The following GALNTL6 variants were observed in gnomAD, a reference collection of about 807,000 sequenced individuals.
GALNTL6 encodes the protein polypeptide N-acetylgalactosaminyltransferase-like 6.
A neutral mutation model predicts 73.7 loss-of-function variants in GALNTL6; 46 were observed. The observed-to-expected ratio is 0.62, with a 90% CI of 0.49 to 0.80. The LOEUF is 0.80. Among genes scored for constraint, GALNTL6 ranks in the 30% least tolerant of loss-of-function variants. The pLI, the probability that GALNTL6 is intolerant of heterozygous loss-of-function variation, is 0.00. For missense variants in GALNTL6, 604 were observed against 755.0 expected, an observed-to-expected ratio of 0.80 and a Z score of 2.34; for synonymous variants, 259 against 263.7, an observed-to-expected ratio of 0.98 and a Z score of 0.17.
chr4:173,007,584 A>C (rs1005781726), intron 10 of GALNTL6, among the ~76,000 whole-genome samples: 1 of 152,186 alleles, frequency 6.6e-6, no homozygotes, highest in African/African-American at 2.4e-5. Context: ...AGGCAGGTGG[A>C]TCAAGTGAGG....
intron 6 of GALNTL6, among the ~76,000 whole-genome samples, chr4:172,812,393 C>T (rs985885386): frequency 6.6e-5 from 10 of 152,174 alleles, no homozygotes; most frequent in Non-Finnish European, 8.8e-5. Flanking sequence ...TTTATTGTCA[C>T]ATCTAAAGGT....
At chr4:172,677,990 G>A (rs1732403422) in intron 5 of GALNTL6, among the ~76,000 whole-genome samples, 1 of 152,042 alleles carries the variant, frequency 6.6e-6, no homozygotes, top group South Asian at 2.1e-4. Context: ...CAAAAGCGTT[G>A]GTGGAAAAGA....
chr4:171,820,452 C>T (rs147694846), intron 2 of GALNTL6, among the ~76,000 whole-genome samples: 1 of 152,162 alleles, frequency 6.6e-6, no homozygotes, highest in Non-Finnish European at 1.5e-5. Context: ...CAGACATACA[C>T]AGGTACATAT....
At position 172,537,650 on chromosome 4, in the gene GALNTL6, G is replaced by GT. The variant is rs565125237; in HGVS notation, c.553+188970dup. Reference sequence around the variant, plus strand: ...AGTGATATATTGTGTGTTTGTCTAAGTTTTTTTTTATATTTGTGTTATTAT... The same window carrying GT: ...AGTGATATATTGTGTGTTTGTCTAAGTTTTTTTTTTATATTTGTGTTATTAT... On this transcript the variant is annotated intron_variant, in intron 5 of 12. Coordinates refer to ENST00000506823, the MANE Select transcript of GALNTL6 (RefSeq NM_001034845.3). Among the ~76,000 whole-genome samples, 565 of 151,682 alleles carry GT rather than the reference G, an allele frequency of 3.7e-3. 1 individual carries two copies. Among genetic ancestry groups the GT allele is most frequent in the Non-Finnish European group, 5.4e-3 (369 of 67,848 alleles).
chr4:172,113,108 T>A (rs557199810), intron 2 of GALNTL6, among the ~76,000 whole-genome samples: 1 of 151,968 alleles, frequency 6.6e-6, no homozygotes, highest in Admixed American at 6.6e-5. Context: ...TTAGCATTTT[T>A]TAGAATGTCT....
At chr4:172,381,338 G>T (rs2111283112) in intron 5 of GALNTL6, among the ~76,000 whole-genome samples, 1 of 152,088 alleles carries the variant, frequency 6.6e-6, no homozygotes, top group African/African-American at 2.4e-5. Flanking sequence ...GAATATTGAT[G>T]GAATTGTGCA....
intron 5 of GALNTL6, among the ~76,000 whole-genome samples, chr4:172,766,744 G>A (rs2110847412): frequency 6.6e-6 from 1 of 152,242 alleles, no homozygotes; most frequent in Non-Finnish European, 1.5e-5. Context: ...TTTCTGTCAA[G>A]GAAAGGATAA....
chr4:172,544,193 G>A (rs1735672746), intron 5 of GALNTL6, among the ~76,000 whole-genome samples: 1 of 151,968 alleles, frequency 6.6e-6, no homozygotes, highest in Admixed American at 6.6e-5. Context: ...TGTATCTGTG[G>A]AGTATATGAA....
At chr4:172,321,979 A>G (rs927589261) in intron 4 of GALNTL6, among the ~76,000 whole-genome samples, 5 of 152,190 alleles carry the variant, frequency 3.3e-5, no homozygotes, top group African/African-American at 9.6e-5. Flanking sequence ...GCATGCACAC[A>G]AAGAGGCAAA....
At chr4:172,592,778 G>A (rs1737703493) in intron 5 of GALNTL6, among the ~76,000 whole-genome samples, 2 of 151,846 alleles carry the variant, frequency 1.3e-5, no homozygotes. Context: ...TTCCTTAGCT[G>A]ATACAAAACT....
intron 2 of GALNTL6, among the ~76,000 whole-genome samples, chr4:172,130,402 GC>G (rs1485381308): frequency 6.6e-6 from 1 of 151,708 alleles, no homozygotes; most frequent in African/African-American, 2.4e-5. Context: ...AATTAAAAGT[GC>G]CTATATTTTT....
chr4:172,486,069 G>T (rs1733654116), intron 5 of GALNTL6, among the ~76,000 whole-genome samples: 1 of 152,168 alleles, frequency 6.6e-6, no homozygotes, highest in Non-Finnish European at 1.5e-5. Context: ...AAACTGCTCA[G>T]AGTACAATGA....
intron 5 of GALNTL6, among the ~76,000 whole-genome samples, chr4:172,706,620 GT>G (rs1331414409): frequency 1.3e-5 from 2 of 152,232 alleles, no homozygotes; most frequent in East Asian, 3.9e-4. Flanking sequence ...TGACTGATGA[GT>G]TCCTTTAGCC....
chr4:172,264,555 A>AATATAT (rs201920170), intron 3 of GALNTL6, among the ~76,000 whole-genome samples: 5,466 of 102,564 alleles, frequency 0.053, 219 homozygotes, highest in Non-Finnish European at 0.077. Context: ...ATATATGCCA[A>AATATAT]ATATATATAT....
intron 8 of GALNTL6, among the ~76,000 whole-genome samples, chr4:172,912,943 G>C (rs1747293141): frequency 6.6e-6 from 1 of 152,196 alleles, no homozygotes; most frequent in South Asian, 2.1e-4. Flanking sequence ...TCCCTGAGTA[G>C]CCTAACTGGG....
intron 4 of GALNTL6, among the ~76,000 whole-genome samples, chr4:172,314,923 T>C (rs556264978): frequency 2.6e-5 from 4 of 152,158 alleles, no homozygotes; most frequent in Non-Finnish European, 4.4e-5. Context: ...ATAGGGATTT[T>C]TTAAAGAAAT....
intron 11 of GALNTL6, among the ~76,000 whole-genome samples, chr4:173,010,739 C>T (rs1363587535): frequency 6.6e-6 from 1 of 151,608 alleles, no homozygotes; most frequent in East Asian, 1.9e-4. Context: ...GGATTACAGG[C>T]ACACACCACC....
At chr4:172,523,568 T>C (rs958658798) in intron 5 of GALNTL6, among the ~76,000 whole-genome samples, 8 of 152,154 alleles carry the variant, frequency 5.3e-5, no homozygotes, top group Non-Finnish European at 8.8e-5. Context: ...TTTTGCCATG[T>C]TGCCCAGGCT....
At chr4:172,083,436 C>T (rs1421811525) in intron 2 of GALNTL6, among the ~76,000 whole-genome samples, 1 of 152,210 alleles carries the variant, frequency 6.6e-6, no homozygotes, top group Non-Finnish European at 1.5e-5. Flanking sequence ...GCTGATTTAG[C>T]TCAAGATTAA....
Sources: allele counts gnomAD v4.1 joint callset (sites outside exome capture counted in the v4.1 genomes callset), GRCh38; gene constraint gnomAD v4.1.1; transcripts MANE v1.5; gene names NCBI Gene and HGNC (gene_info 2026-07-23, HGNC 2026-07-21).